DTX2: variants seen among roughly 807,000 people sequenced by gnomAD.
The protein encoded by DTX2 is probable E3 ubiquitin-protein ligase DTX2.
Under a neutral mutation model 55.3 loss-of-function variants are expected in DTX2, and 29 were observed. The observed-to-expected ratio is 0.52, with a 90% CI of 0.39 to 0.71. The LOEUF is 0.71. DTX2 is among the 30% of genes least tolerant of loss of function. DTX2 has a pLI of 0.00. For synonymous variants in DTX2, 276 were observed against 340.4 expected, an observed-to-expected ratio of 0.81 and a Z score of 2.08; for missense variants, 537 against 822.5, an observed-to-expected ratio of 0.65 and a Z score of 4.25.
In DTX2 at chr7:76,502,291, C is replaced by T. The variant is rs1811801747; in HGVS notation, c.1231-7C>T. 1 of 1,604,770 alleles carries T rather than the reference C, an allele frequency of 6.2e-7. No individual in the cohort carries two copies. Among genetic ancestry groups the T allele is most frequent in the South Asian group, 1.1e-5 (1 of 90,620 alleles). ...GGCGAGCATGACCCATGTTTGGTCT[C>T]CTCCAGGACTGCATCATCTGCATGG... On this transcript the variant is annotated splice_region_variant and splice_polypyrimidine_tract_variant and intron_variant, in intron 7 of 10. Coordinates refer to ENST00000430490, the MANE Select transcript of DTX2 (RefSeq NM_001102594.3).
At chr7:76,498,049 C>T (rs1397386092) in intron 6 of DTX2, among the ~76,000 whole-genome samples, 2 of 152,106 alleles carry the variant, frequency 1.3e-5, no homozygotes, top group African/African-American at 4.8e-5. Context: ...AAGTTCTGAA[C>T]CTTTCCCAAG....
rs1196189714 is a variant in DTX2, at chr7:76,505,454, C to T, written c.1722C>T (p.Asp574=). Residue 574 remains aspartate, a synonymous_variant, in exon 11 of 11, where the codon GAC becomes GAT. Transcript: ENST00000430490. The surrounding 1 kb of genome is among the most constrained non-coding windows in gnomAD (Gnocchi z 4.4). ...VGTSSTTGET[D]TVVWNEIHHK... is the part of the protein sequence containing the mutation. Reference sequence around the variant, plus strand: ...CGTCCAGCACCACGGGTGAGACGGACACCGTGGTATGGAACGAGATCCACC... The same window carrying T: ...CGTCCAGCACCACGGGTGAGACGGATACCGTGGTATGGAACGAGATCCACC... The T allele has an allele frequency of 6.2e-7, 1 of 1,606,530 alleles. No homozygotes were observed. Among genetic ancestry groups the T allele is most frequent in the Non-Finnish European group, 8.5e-7 (1 of 1,176,806 alleles).
chr7:76,476,596 C>T (rs1039164130), intron 2 of DTX2, among the ~76,000 whole-genome samples: 45 of 149,594 alleles, frequency 3.0e-4, no homozygotes, highest in Non-Finnish European at 5.8e-4. Context: ...AGCCAGCCGT[C>T]TCTGGCAAGC....
intron 2 of DTX2, among the ~76,000 whole-genome samples, chr7:76,469,360 ATTTTTTTT>A (rs67541833): frequency 1.2e-5 from 1 of 81,302 alleles, no homozygotes; most frequent in African/African-American, 4.2e-5. Flanking sequence ...TGAAATCTAG[ATTTTTTTT>A]TTTTTTTTTT....
At chr7:76,478,532 C>T (rs1344419702) in intron 2 of DTX2, among the ~76,000 whole-genome samples, 1 of 149,066 alleles carries the variant, frequency 6.7e-6, no homozygotes, top group Non-Finnish European at 1.5e-5. Flanking sequence ...CCTGCCTCAG[C>T]CTCTTGAGTA....
intron 4 of DTX2, among the ~76,000 whole-genome samples, chr7:76,491,464 T>G (rs1563745604): frequency 9.8e-6 from 1 of 101,952 alleles, no homozygotes; most frequent in Admixed American, 9.4e-5. Flanking sequence ...ATTTTTTATA[T>G]TTTTAGTAGA....
rs769177459 is a variant in DTX2, at chr7:76,482,756, C to T, written c.517C>T (p.Arg173Trp). The T allele has an allele frequency of 7.4e-6, 12 of 1,613,868 alleles. No individual in the cohort carries two copies. The highest frequency in any genetic ancestry group is 1.1e-5 in the South Asian group (1 of 91,072). Residue 173 changes from arginine (R) to tryptophan (W), a missense_variant, in exon 4 of 11, where the codon CGG becomes TGG. By Grantham distance (101) the Arg-to-Trp change is moderately radical. Around this residue, in one of 7 missense-constraint regions of DTX2, gnomAD observed 301 missense variants for 396.6 expected, o/e 0.76. Transcript: ENST00000430490. ...NKTSSFCRSV[R>W]RQAGPPYPVT... ...GACTTCCAGCTTCTGCCGCAGCGTG[C>T]GGCGCCAAGCAGGGCCGCCTTACCC...
intron 3 of DTX2, 140 bp from the exon 4 acceptor site, chr7:76,482,368 A>G: frequency 9.3e-7 from 1 of 1,078,666 alleles, no homozygotes; most frequent in Non-Finnish European, 1.4e-6. Context: ...TCTAACAATA[A>G]ATAAATAAAC....
At position 76,500,351 on chromosome 7, in the gene DTX2, G is replaced by A. The variant is rs1330157629; in HGVS notation, c.1151-90G>A. The A allele has an allele frequency of 1.8e-5, 12 of 650,648 alleles. 2 individuals are homozygous for A. Among genetic ancestry groups the A allele is most frequent in the Non-Finnish European group, 2.7e-5 (11 of 412,536 alleles). The allele number at this position is 650,648 out of a possible 1,614,324, so 40.3% of individuals were successfully genotyped here. ...GCCCCTCTCGCATTTCCTCCTGGCAGCTTAGACCTCTTCCTTCCCTTCCTC... is the reference window on the plus strand; with the variant it reads ...GCCCCTCTCGCATTTCCTCCTGGCAACTTAGACCTCTTCCTTCCCTTCCTC... On this transcript the variant is annotated intron_variant, in intron 6 of 10. Coordinates refer to ENST00000430490, the MANE Select transcript of DTX2 (RefSeq NM_001102594.3).
At chr7:76,494,489 G>A (rs1316558362) in intron 5 of DTX2, among the ~76,000 whole-genome samples, 1 of 83,206 alleles carries the variant, frequency 1.2e-5, no homozygotes, top group African/African-American at 6.1e-5. Context: ...GCAAGCCTTC[G>A]TGGCCAGGCC....
Position 76,502,282 on chromosome 7 carries a change from G to A in DTX2, c.1231-16G>A. 1.9e-6 allele frequency: 3 copies of A among 1,593,128 alleles called. No homozygotes were observed. The highest frequency in any genetic ancestry group is 2.6e-6 in the Non-Finnish European group (3 of 1,164,568). ...CCCACTGTTGGCGAGCATGACCCAT[G>A]TTTGGTCTCCTCCAGGACTGCATCA... On this transcript the variant is annotated splice_polypyrimidine_tract_variant and intron_variant, in intron 7 of 10. Coordinates refer to ENST00000430490, the MANE Select transcript of DTX2 (RefSeq NM_001102594.3).
chr7:76,503,262 T>C, intron 8 of DTX2, 164 bp from the exon 9 acceptor site: 8 of 734,642 alleles, frequency 1.1e-5, no homozygotes, highest in Non-Finnish European at 1.8e-5. Flanking sequence ...AACAAAGCTT[T>C]CCAGGGAAGC....
rs1215441865 is a variant in DTX2 at position 76,461,821 on chromosome 7, GTCC to G, written c.-264_-262del. 1.3e-5 allele frequency: 2 copies of G among 151,894 alleles called. No homozygotes were observed. Among genetic ancestry groups the G allele is most frequent in the Non-Finnish European group, 2.9e-5 (2 of 67,924 alleles). 9.4% of individuals were successfully genotyped at this position (151,894 alleles called of 1,614,324 possible). A position where few individuals can be genotyped will look rare whatever the true frequency, so the allele number is the denominator to read the frequency against. ...GTGGTGCCCTCAGCCCCGTCCTCTT[GTCC>G]TCCTCAGCCTCGGTGAGAGGGCGGG... On this transcript the variant is annotated 5_prime_UTR_variant, in exon 1 of 11. Transcript: ENST00000430490.
chr7:76,471,739 C>A (rs1424768521), intron 2 of DTX2, among the ~76,000 whole-genome samples: 2 of 150,968 alleles, frequency 1.3e-5, no homozygotes, highest in African/African-American at 4.9e-5. Context: ...GCCCCTATTA[C>A]TCCCCTACTT....
chr7:76,464,320 A>G (rs1395708868), intron 2 of DTX2, among the ~76,000 whole-genome samples: 36 of 150,778 alleles, frequency 2.4e-4, no homozygotes, highest in Admixed American at 2.3e-3. Flanking sequence ...GTAGCTTAGT[A>G]TGTAATAGAG....
intron 2 of DTX2, among the ~76,000 whole-genome samples, chr7:76,472,836 C>G (rs1399299570): frequency 6.6e-6 from 1 of 152,144 alleles, no homozygotes; most frequent in Non-Finnish European, 1.5e-5. Flanking sequence ...GGAGTTTGCC[C>G]TATGCTTCTG....
At chr7:76,477,092 T>G (rs2116321310) in intron 2 of DTX2, 1 of 147,702 alleles carries the variant, frequency 6.8e-6, no homozygotes, top group South Asian at 2.2e-4. Context: ...GTCCTCTGAT[T>G]TGTACCTCAT....
Position 76,502,331 on chromosome 7 carries a change from G to A in DTX2, c.1264G>A (p.Ala422Thr), listed in dbSNP as rs773195533. The A allele has an allele frequency of 1.9e-6, 3 of 1,608,010 alleles. No individual in the cohort carries two copies. Among genetic ancestry groups the A allele is most frequent in the Admixed American group, 3.4e-5 (2 of 59,510 alleles). ...CATCTGCATGGAGAAGCTGTCCACA[G>A]CGTCTGGATACAGCGATGTGACTGA... ...CIICMEKLST[A>T]SGYSDVTDSK... The change falls in exon 8 of 11, where the codon GCG (alanine) becomes ACG (threonine). Residue 422 changes from alanine to threonine, a missense_variant. By Grantham distance (58) the Ala-to-Thr change is moderately conservative. Around this residue, in one of 7 missense-constraint regions of DTX2, gnomAD observed 121 missense variants for 136.8 expected, o/e 0.88. Coordinates refer to ENST00000430490, the MANE Select transcript of DTX2 (RefSeq NM_001102594.3).
chr7:76,483,662 T>C (rs1809577520), intron 4 of DTX2, among the ~76,000 whole-genome samples: 2 of 150,486 alleles, frequency 1.3e-5, no homozygotes, highest in Non-Finnish European at 3.0e-5. Flanking sequence ...CCCGTGATGA[T>C]GCAGCCCAGC....
Sources: gnomAD v4.1 joint callset for allele counts (sites outside exome capture counted in the v4.1 genomes callset) on GRCh38, gnomAD v4.1.1 for gene constraint, gnomAD v4.1.1 regional missense constraint, Gnocchi (gnomAD v3.1) non-coding constraint, MANE v1.5 for transcripts, NCBI Gene and HGNC (gene_info 2026-07-23, HGNC 2026-07-21) for gene names.